PPFIBP2: variants seen among roughly 807,000 people sequenced by gnomAD.
The protein encoded by PPFIBP2 is liprin-beta-2.
Under a neutral mutation model 118.3 loss-of-function variants are expected in PPFIBP2, and 118 were observed. That is an observed-to-expected ratio of 1.00 (90% CI 0.86 to 1.16). The LOEUF (loss-of-function observed/expected upper bound fraction) is 1.16. PPFIBP2 is among the 50% of genes most tolerant of loss of function. The pLI is 0.00. For synonymous variants in PPFIBP2, 414 were observed against 397.4 expected (o/e 1.04, Z -0.50); for missense variants, 1,195 against 1,073.1 (o/e 1.11, Z -1.59).
intron 17 of PPFIBP2, among the ~76,000 whole-genome samples, chr11:7,647,253 C>G (rs1853231433): frequency 6.6e-6 from 1 of 152,068 alleles, no homozygotes; most frequent in Non-Finnish European, 1.5e-5. Context: ...TCTATAAATC[C>G]TCATTTATGA....
Position 7,599,935 on chromosome 11 carries a change from C to T in PPFIBP2, c.486+2262C>T, listed in dbSNP as rs184275869. 7.0e-4 allele frequency among the ~76,000 whole-genome samples: 107 copies of T among 151,916 alleles called. 1 individual carries two copies. Among genetic ancestry groups the T allele is most frequent in the African/African-American group, 1.1e-3 (45 of 41,416 alleles). On this transcript the variant is annotated intron_variant, in intron 5 of 23. Coordinates refer to ENST00000299492, the MANE Select transcript of PPFIBP2 (RefSeq NM_003621.5). ...CTGGGATTACAGGTGTGAGCCACTG[C>T]GCCCGGCCTCAATTACCTTTTTTAG...
chr11:7,614,918 A>G (rs1848459982), intron 6 of PPFIBP2, among the ~76,000 whole-genome samples: 1 of 152,200 alleles, frequency 6.6e-6, no homozygotes, highest in Admixed American at 6.5e-5. Context: ...CAGCAATTAT[A>G]ACCTCATAAA....
At chr11:7,659,369 C>G (rs1455682377), downstream of PPFIBP2, among the ~76,000 whole-genome samples, 2 of 145,386 alleles carry the variant, frequency 1.4e-5, no homozygotes, top group African/African-American at 5.1e-5. Context: ...ATATGGCTAG[C>G]CAGTTTTCCC....
chr11:7,514,922 T>C (rs1350476921), intron 1 of PPFIBP2, among the ~76,000 whole-genome samples: 2 of 152,234 alleles, frequency 1.3e-5, no homozygotes, highest in South Asian at 2.1e-4. Context: ...TTCTATATTT[T>C]GGTCTACTTC....
intron 5 of PPFIBP2, among the ~76,000 whole-genome samples, chr11:7,607,367 C>T (rs557710233): frequency 3.4e-5 from 5 of 148,602 alleles, no homozygotes; most frequent in African/African-American, 1.0e-4. Context: ...CATGCCACCA[C>T]GGGTGCTAAT....
intron 17 of PPFIBP2, 23 bp from the exon 18 acceptor site, chr11:7,648,364 T>G: frequency 6.3e-7 from 1 of 1,598,284 alleles, no homozygotes; most frequent in Non-Finnish European, 8.6e-7. Context: ...CTAACAGGAA[T>G]ATGCTGTTTT....
At chr11:7,619,609 G>A (rs1357407604) in intron 6 of PPFIBP2, among the ~76,000 whole-genome samples, 1 of 152,218 alleles carries the variant, frequency 6.6e-6, no homozygotes, top group East Asian at 1.9e-4. Flanking sequence ...GACTGTCCAG[G>A]CTGTCAGTGC....
chr11:7,552,652 C>A (rs1002600721), intron 2 of PPFIBP2, among the ~76,000 whole-genome samples: 1 of 152,314 alleles, frequency 6.6e-6, no homozygotes, highest in African/African-American at 2.4e-5. Context: ...AAGTTTAAAG[C>A]CCTTACCACG....
At chr11:7,644,607 A>G (rs1192499907) in intron 17 of PPFIBP2, among the ~76,000 whole-genome samples, 2 of 152,150 alleles carry the variant, frequency 1.3e-5, no homozygotes, top group Non-Finnish European at 2.9e-5. Flanking sequence ...ATGGTGAGTC[A>G]GATTCATCAT....
the PPFIBP2 span, chr11:7,666,400 G>T: frequency 8.6e-7 from 1 of 1,162,404 alleles, no homozygotes; most frequent in Non-Finnish European, 1.3e-6. Context: ...TCCTCAAAGT[G>T]GTCAAGGGTT....
intron 5 of PPFIBP2, among the ~76,000 whole-genome samples, chr11:7,599,484 A>G (rs144596538): frequency 7.9e-5 from 12 of 152,232 alleles, no homozygotes; most frequent in Non-Finnish European, 1.6e-4. Context: ...TCTCTATGAC[A>G]GTGTTTCTGC....
rs2135001099 is a variant in PPFIBP2, at chr11:7,580,133, C to T, written c.280-12999C>T. 2.0e-5 allele frequency among the ~76,000 whole-genome samples: 3 copies of T among 152,244 alleles called. No individual in the cohort carries two copies. In the South Asian group the frequency reaches 6.2e-4, roughly 32 times the overall value. On this transcript the variant is annotated intron_variant, in intron 3 of 23. Transcript: ENST00000299492. The stretch of plus-strand genomic sequence containing the variant: ...TATCTTTTATATCTACCCTGATGAG[C>T]TCCCAAGTGTATTTCTTCCCTTTTC...
intron 2 of PPFIBP2, among the ~76,000 whole-genome samples, chr11:7,557,441 A>G (rs1206651850): frequency 1.3e-5 from 2 of 151,522 alleles, no homozygotes; most frequent in East Asian, 1.9e-4. Context: ...AAGGCTTTCA[A>G]TAATTCAAAA....
rs1352892865 is a variant in PPFIBP2, at chr11:7,639,840, G to T, written c.1345G>T (p.Asp449Tyr). 6.2e-7 allele frequency: 1 copy of T among 1,614,148 alleles called. No homozygotes were observed. The highest frequency in any genetic ancestry group is 1.3e-5 in the African/African-American group (1 of 75,048). The change falls in exon 15 of 24, where the codon GAC (aspartate) becomes TAC (tyrosine). Residue 449 changes from aspartate to tyrosine, a missense_variant. Physicochemically the swap from Asp to Tyr is radical, Grantham distance 160. Transcript: ENST00000299492. ...AKSPPTICQPDATGSSLLRLR... is the reference protein window; with the variant it reads ...AKSPPTICQPYATGSSLLRLR... ...ATCTCCTCCCACCATCTGCCAGCCT[G>T]ACGCCACGGGGAGCAGCCTGCTGAG...
intron 3 of PPFIBP2, among the ~76,000 whole-genome samples, chr11:7,574,406 A>T (rs1056383455): frequency 2.0e-5 from 3 of 152,152 alleles, no homozygotes; most frequent in African/African-American, 7.2e-5. Flanking sequence ...CCCAATAACA[A>T]GGGGAGCCTA....
At chr11:7,663,503 G>A in the PPFIBP2 span, among the ~76,000 whole-genome samples, 13 of 152,312 alleles carry the variant, frequency 8.5e-5, no homozygotes, top group East Asian at 7.7e-4. Context: ...CAGTCTGCCC[G>A]TTCTCAGATC....
At chr11:7,573,630 C>T (rs1459709141) in intron 3 of PPFIBP2, among the ~76,000 whole-genome samples, 1 of 152,220 alleles carries the variant, frequency 6.6e-6, no homozygotes, top group Non-Finnish European at 1.5e-5. Context: ...GTGCATTCTC[C>T]ATGCATGTGT....
chr11:7,598,200 G>T, intron 5 of PPFIBP2: 1 of 198,750 alleles, frequency 5.0e-6, no homozygotes, highest in Non-Finnish European at 1.1e-5. Flanking sequence ...TTTTCTTTTT[G>T]TCCTTGTTAT....
Position 7,632,863 on chromosome 11 carries a change from G to A in PPFIBP2, c.1069-4G>A. 2 of 1,612,364 alleles carry A rather than the reference G, an allele frequency of 1.2e-6. No individual in the cohort carries two copies. Among genetic ancestry groups the A allele is most frequent in the Non-Finnish European group, 1.7e-6 (2 of 1,178,424 alleles). The stretch of plus-strand genomic sequence containing the variant: ...CTACCGTGACTCTTCTGTCTCTGGT[G>A]CAGATGCCTCCAAGATGTAGCTCTC... On this transcript the variant is annotated splice_polypyrimidine_tract_variant and splice_region_variant and intron_variant, in intron 11 of 23. Coordinates refer to ENST00000299492, the MANE Select transcript of PPFIBP2 (RefSeq NM_003621.5).
Sources: allele counts gnomAD v4.1 joint callset (sites outside exome capture counted in the v4.1 genomes callset), GRCh38; gene constraint gnomAD v4.1.1; transcripts MANE v1.5; gene names NCBI Gene and HGNC (gene_info 2026-07-23, HGNC 2026-07-21).